LRFN2: variants seen among roughly 807,000 people sequenced by gnomAD.
The protein encoded by LRFN2 is leucine rich repeat and fibronectin type III domain containing 2.
LRFN2 carries 18 observed loss-of-function variants against 37.3 expected under a neutral mutation model. That is an observed-to-expected ratio of 0.48 (90% CI 0.33 to 0.72). The LOEUF (loss-of-function observed/expected upper bound fraction) is 0.72, where lower values mean the gene tolerates loss of function less well. Ranked by LOEUF, LRFN2 falls within the 30% of genes least tolerant of loss-of-function variation. The pLI is 0.02. For synonymous variants in LRFN2, 556 were observed against 466.6 expected, an observed-to-expected ratio of 1.19 and a Z score of -2.47; for missense variants, 1,006 against 1,060.7, an observed-to-expected ratio of 0.95 and a Z score of 0.72.
chr6:40,450,723 A>G (rs1180145365), intron 1 of LRFN2, among the ~76,000 whole-genome samples: 1 of 152,244 alleles, frequency 6.6e-6, no homozygotes, highest in Non-Finnish European at 1.5e-5. Context: ...AGTTGCTGTA[A>G]TAGGTGCTGA....
intron 1 of LRFN2, among the ~76,000 whole-genome samples, chr6:40,545,207 T>C (rs2395746): frequency 0.45 from 68,543 of 152,094 alleles, 16,441 homozygotes; most frequent in African/African-American, 0.61. Context: ...TTTTGGAAAC[T>C]GACCAGATAG....
chr6:40,400,421 CTTTT>C (rs34460828), intron 2 of LRFN2, among the ~76,000 whole-genome samples: 1 of 128,672 alleles, frequency 7.8e-6, no homozygotes. Flanking sequence ...GGTACTTTTC[CTTTT>C]TTTTTTTTTT....
intron 1 of LRFN2, among the ~76,000 whole-genome samples, chr6:40,436,162 T>C (rs1763668863): frequency 6.6e-6 from 1 of 152,248 alleles, no homozygotes; most frequent in Non-Finnish European, 1.5e-5. Flanking sequence ...AACTTTTTTA[T>C]TTTACAAACT....
In LRFN2 at chr6:40,553,935, T is replaced by A. The variant is rs1006772249; in HGVS notation, c.-19+33006A>T. 2.0e-5 allele frequency among the ~76,000 whole-genome samples: 3 copies of A among 152,178 alleles called. No homozygotes were observed. The South Asian group carries it at 6.2e-4, about 31-fold the overall frequency. The stretch of plus-strand genomic sequence containing the variant: ...TGGATAACTGATGTCCTTCCAGCCA[T>A]GAATACTGTTACTCAAGGACCCAGA... On this transcript the variant is annotated intron_variant, in intron 1 of 2. Transcript: ENST00000338305.
chr6:40,500,545 G>C (rs2113875869), intron 1 of LRFN2, among the ~76,000 whole-genome samples: 1 of 152,344 alleles, frequency 6.6e-6, no homozygotes, highest in Admixed American at 6.5e-5. Flanking sequence ...AAGAAGCAGT[G>C]TACAAGGAAA....
intron 1 of LRFN2, among the ~76,000 whole-genome samples, chr6:40,521,764 T>A (rs548158699): frequency 6.6e-6 from 1 of 152,036 alleles, no homozygotes; most frequent in South Asian, 2.1e-4. Context: ...ATCTCCTACA[T>A]CTTGGAATAG....
At chr6:40,548,219 C>T (rs1344422835) in intron 1 of LRFN2, among the ~76,000 whole-genome samples, 1 of 152,168 alleles carries the variant, frequency 6.6e-6, no homozygotes, top group Non-Finnish European at 1.5e-5. Flanking sequence ...GTGGGTGGAT[C>T]ACCTGAGGTC....
intron 1 of LRFN2, among the ~76,000 whole-genome samples, chr6:40,550,348 G>C (rs879821961): frequency 6.6e-6 from 1 of 151,466 alleles, no homozygotes; most frequent in Non-Finnish European, 1.5e-5. Flanking sequence ...GGAAGTGTAC[G>C]GACTGGTAAT....
At chr6:40,547,831 C>T (rs1480776621) in intron 1 of LRFN2, among the ~76,000 whole-genome samples, 1 of 152,180 alleles carries the variant, frequency 6.6e-6, no homozygotes, top group Non-Finnish European at 1.5e-5. Flanking sequence ...CCTTCTCCCT[C>T]CAAGTTTAGG....
At chr6:40,578,542 T>C (rs186718018) in intron 1 of LRFN2, among the ~76,000 whole-genome samples, 13 of 152,312 alleles carry the variant, frequency 8.5e-5, no homozygotes, top group Admixed American at 2.6e-4. Flanking sequence ...TGAGATCATG[T>C]GGAGATTCCC....
intron 1 of LRFN2, among the ~76,000 whole-genome samples, chr6:40,479,523 G>T (rs1764780652): frequency 6.6e-6 from 1 of 152,356 alleles, no homozygotes; most frequent in Non-Finnish European, 1.5e-5. Context: ...AACTTTCTAA[G>T]ATCCCTTCTG....
At chr6:40,482,322 A>G (rs1007561171) in intron 1 of LRFN2, among the ~76,000 whole-genome samples, 5 of 152,146 alleles carry the variant, frequency 3.3e-5, no homozygotes, top group Non-Finnish European at 7.4e-5. Context: ...CAGGTTCTCA[A>G]AAGAGGTCCT....
chr6:40,487,095 C>A (rs1453052736), intron 1 of LRFN2, among the ~76,000 whole-genome samples: 1 of 152,152 alleles, frequency 6.6e-6, no homozygotes, highest in Non-Finnish European at 1.5e-5. Flanking sequence ...TCCCTGAGGA[C>A]ATGAACCAAT....
intron 1 of LRFN2, among the ~76,000 whole-genome samples, chr6:40,544,662 C>A (rs141225344): frequency 2.7e-4 from 41 of 152,342 alleles, no homozygotes; most frequent in African/African-American, 8.9e-4. Context: ...CAAGCTCACA[C>A]GGAGAATCAG....
At chr6:40,447,782 G>C (rs1363720812) in intron 1 of LRFN2, among the ~76,000 whole-genome samples, 1 of 152,070 alleles carries the variant, frequency 6.6e-6, no homozygotes. Flanking sequence ...TACTCTGGGT[G>C]GCCTACCTAG....
At chr6:40,537,966 G>T (rs566051631) in intron 1 of LRFN2, among the ~76,000 whole-genome samples, 5 of 152,084 alleles carry the variant, frequency 3.3e-5, no homozygotes, top group African/African-American at 1.2e-4. Flanking sequence ...AGCCCCTCTT[G>T]CCCCATCACC....
intron 2 of LRFN2, among the ~76,000 whole-genome samples, chr6:40,426,438 T>G (rs1763355001): frequency 6.6e-6 from 1 of 152,168 alleles, no homozygotes; most frequent in African/African-American, 2.4e-5. Flanking sequence ...ATGTTGACTC[T>G]ATAGCTACTT....
chr6:40,397,021 C>A (rs1240527156), intron 2 of LRFN2, among the ~76,000 whole-genome samples: 1 of 152,146 alleles, frequency 6.6e-6, no homozygotes, highest in Non-Finnish European at 1.5e-5. Context: ...GGGCTGAGAC[C>A]AGAACAGGTC....
intron 1 of LRFN2, among the ~76,000 whole-genome samples, chr6:40,498,641 T>A (rs906740457): frequency 6.6e-6 from 1 of 152,298 alleles, no homozygotes; most frequent in African/African-American, 2.4e-5. Flanking sequence ...CACACTCAGC[T>A]CACGCCCAGC....
Sources: allele counts gnomAD v4.1 joint callset (sites outside exome capture counted in the v4.1 genomes callset), GRCh38; gene constraint gnomAD v4.1.1; transcripts MANE v1.5; gene names NCBI Gene and HGNC (gene_info 2026-07-23, HGNC 2026-07-21).